Variants in RPE observed in about 807,000 individuals in gnomAD.
RPE encodes the protein ribulose-5-phosphate-3-epimerase.
RPE carries 16 observed loss-of-function variants against 24.6 expected under a neutral mutation model. The ratio of observed to expected loss-of-function variants is 0.65; its 90% CI spans 0.44 to 0.99. RPE has a LOEUF of 0.99. RPE is among the 50% of genes least tolerant of loss of function. The probability of loss-of-function intolerance (pLI) is 0.00; values close to 1 mark genes in which losing one functional copy is unlikely to be tolerated. For missense variants in RPE, 240 were observed against 294.5 expected, an observed-to-expected ratio of 0.81 and a Z score of 1.35; for synonymous variants, 93 against 98.4, an observed-to-expected ratio of 0.94 and a Z score of 0.33.
chr2:210,017,644 C>G, intron 5 of RPE, 85 bp downstream of exon 5: 1 of 1,253,818 alleles, frequency 8.0e-7, no homozygotes, highest in South Asian at 1.3e-5. Flanking sequence ...GCGATTCCCT[C>G]TGTGGTTCCT....
In RPE at chr2:210,019,756, T is replaced by C. The variant is rs1205349872; in HGVS notation, c.652T>C (p.Ser218Pro). Residue 218 changes from serine to proline, a missense_variant, in exon 6 of 6, where the codon TCA (serine) becomes CCA (proline). Ser to Pro is a moderately conservative substitution (Grantham distance 74, BLOSUM62 -1). Transcript: ENST00000359429. ...SVINLLRNVC[S>P]EAAQKRSLDR The stretch of plus-strand genomic sequence containing the variant: ...GATCAATCTATTAAGAAATGTTTGC[T>C]CAGAAGCTGCTCAGAAACGTTCTCT... The C allele has an allele frequency of 6.2e-7, 1 of 1,613,286 alleles. No individual in the cohort carries two copies. Among genetic ancestry groups the C allele is most frequent in the South Asian group, 1.1e-5 (1 of 91,022 alleles).
Position 210,021,132 on chromosome 2 carries a change from TAC to T in RPE, c.*1343_*1344del, listed in dbSNP as rs2125099071. On this transcript the variant is annotated 3_prime_UTR_variant, in exon 6 of 6. Transcript: ENST00000359429. ...AAATATTTATAACTGTTCTGAATTATACAGAGTCTAAAAATATGTGTCAGCTA... is the reference window on the plus strand; with the variant it reads ...AAATATTTATAACTGTTCTGAATTATAGAGTCTAAAAATATGTGTCAGCTA... The T allele has an allele frequency of 6.6e-6, 1 of 152,256 alleles. No individual in the cohort carries two copies. Among genetic ancestry groups the T allele is most frequent in the South Asian group, 2.1e-4 (1 of 4,826 alleles). The allele number at this position is 152,256 out of a possible 1,614,324, so 9.4% of individuals were successfully genotyped here.
chr2:210,017,425 C>CCACAAA, intron 4 of RPE, 48 bp from the exon 5 acceptor site: 22 of 1,104,204 alleles, frequency 2.0e-5, no homozygotes, highest in Non-Finnish European at 2.5e-5. Flanking sequence ...CCACCCCCAC[C>CCACAAA]AACATACCCA....
intron 1 of RPE, among the ~76,000 whole-genome samples, chr2:210,006,063 G>T (rs1422836387): frequency 6.6e-6 from 1 of 152,154 alleles, no homozygotes. Context: ...GGAAGAAAGG[G>T]ATACCTTTTT....
intron 2 of RPE, among the ~76,000 whole-genome samples, chr2:210,012,459 C>T (rs975249633): frequency 2.0e-5 from 3 of 152,082 alleles, no homozygotes; most frequent in Non-Finnish European, 4.4e-5. Flanking sequence ...AATCTTGGTC[C>T]CTGAATACAT....
rs2093856826 is a variant in RPE, at chr2:210,021,603, TA to T, written c.*1813del. ...TTTGTCAGTATTGAATTGAATTTTT[TA>T]CCCCTTAAAAGGACTAGTATAATTT... is the stretch of plus-strand genomic sequence containing the variant. On this transcript the variant is annotated 3_prime_UTR_variant, in exon 6 of 6. Transcript: ENST00000359429. 1 of 152,654 alleles carries T rather than the reference TA, an allele frequency of 6.6e-6. No individual in the cohort carries two copies. The highest frequency in any genetic ancestry group is 6.5e-5 in the Admixed American group (1 of 15,288). The allele number at this position is 152,654 out of a possible 1,614,324, so 9.5% of individuals were successfully genotyped here. A position where few individuals can be genotyped will look rare whatever the true frequency, so the allele number is the denominator to read the frequency against.
rs146927415 is a variant in RPE at position 210,014,972 on chromosome 2, A to G, written c.203-1001A>G. On this transcript the variant is annotated intron_variant, in intron 2 of 5. Transcript: ENST00000359429. ...TATGTTTTAAATCAAGATCTTTAAGAAGGCCATGCCCATTTTCACCTTATG... is the reference window on the plus strand; with the variant it reads ...TATGTTTTAAATCAAGATCTTTAAGGAGGCCATGCCCATTTTCACCTTATG... 4.2e-3 allele frequency among the ~76,000 whole-genome samples: 646 copies of G among 152,316 alleles called. 5 individuals are homozygous for G. The highest frequency in any genetic ancestry group is 0.015 in the African/African-American group (615 of 41,566).
intron 1 of RPE, among the ~76,000 whole-genome samples, chr2:210,003,017 A>C (rs544806396): frequency 9.9e-4 from 151 of 152,264 alleles, no homozygotes; most frequent in Non-Finnish European, 2.0e-3. Context: ...CCCCCCACGT[A>C]ACGTGTGGTC....
chr2:210,005,025 T>G (rs569537653), intron 1 of RPE, among the ~76,000 whole-genome samples: 2 of 152,388 alleles, frequency 1.3e-5, no homozygotes, highest in South Asian at 4.1e-4. Flanking sequence ...AGTTAAGAGC[T>G]GTTTCTATTC....
intron 2 of RPE, among the ~76,000 whole-genome samples, chr2:210,014,778 A>G (rs535452397): frequency 6.6e-6 from 1 of 151,766 alleles, no homozygotes; most frequent in South Asian, 2.1e-4. Flanking sequence ...GAAATGTTAG[A>G]ATTTTTTTCT....
chr2:210,009,566 A>G, intron 1 of RPE, 91 bp from the exon 2 acceptor site: 3 of 1,507,418 alleles, frequency 2.0e-6, no homozygotes, highest in Non-Finnish European at 2.8e-6. Flanking sequence ...CATTGCAGAC[A>G]ATCCCCTCAA....
chr2:210,010,270 C>G (rs760203985), intron 2 of RPE, among the ~76,000 whole-genome samples: 5 of 151,984 alleles, frequency 3.3e-5, no homozygotes, highest in Non-Finnish European at 2.9e-5. Flanking sequence ...CAAGTGGTGC[C>G]TAAATATTCA....
intron 3 of RPE, 24 bp downstream of exon 3, chr2:210,016,136 T>G: frequency 1.2e-6 from 2 of 1,614,160 alleles, no homozygotes; most frequent in Non-Finnish European, 1.7e-6. Flanking sequence ...ATGAGAGTGT[T>G]TTGTAACATT....
rs149529838 is a variant in RPE, at chr2:210,015,267, A to G, written c.203-706A>G. On this transcript the variant is annotated intron_variant, in intron 2 of 5. Coordinates refer to ENST00000359429, the MANE Select transcript of RPE (RefSeq NM_199229.3). ...ATATCCATCCCGAATTGCTGCCATC[A>G]TTTTTCACCTGGGTTATTGCTATCG... Among the ~76,000 whole-genome samples the G allele has an allele frequency of 3.6e-3, 544 of 152,046 alleles. 6 individuals are homozygous for G. Among genetic ancestry groups the G allele is most frequent in the African/African-American group, 0.012 (513 of 41,476 alleles).
intron 1 of RPE, among the ~76,000 whole-genome samples, chr2:210,005,738 G>A (rs2093622571): frequency 1.3e-5 from 2 of 152,122 alleles, no homozygotes; most frequent in Admixed American, 6.5e-5. Flanking sequence ...CATGTGGGGT[G>A]TACTTCATTT....
intron 1 of RPE, among the ~76,000 whole-genome samples, chr2:210,007,955 TCTC>T (rs2093651803): frequency 6.6e-6 from 1 of 152,298 alleles, no homozygotes; most frequent in East Asian, 1.9e-4. Flanking sequence ...GGAAAGGAAT[TCTC>T]CTTAACCTTC....
Position 210,015,355 on chromosome 2 carries a change from G to A in RPE, c.203-618G>A, listed in dbSNP as rs199813966. ...TGGTGGTTTTTCCCAGTGGCCTGCA[G>A]AATGCTGAAGGGTTTCTCCTCACCA... On this transcript the variant is annotated intron_variant, in intron 2 of 5. Coordinates refer to ENST00000359429, the MANE Select transcript of RPE (RefSeq NM_199229.3). Among the ~76,000 whole-genome samples the A allele has an allele frequency of 2.0e-5, 3 of 152,322 alleles. No homozygotes were observed. In the East Asian group the frequency reaches 5.8e-4, roughly 29 times the overall value.
chr2:210,019,429 G>T (rs1361990518), intron 5 of RPE, among the ~76,000 whole-genome samples: 1 of 152,108 alleles, frequency 6.6e-6, no homozygotes, highest in Non-Finnish European at 1.5e-5. Context: ...TTAAGAGTTG[G>T]TTTACCAGAA....
chr2:210,005,015 A>T (rs114308645), intron 1 of RPE, among the ~76,000 whole-genome samples: 2,619 of 152,276 alleles, frequency 0.017, 84 homozygotes, highest in African/African-American at 0.06. Context: ...CTACTTTCTG[A>T]GTTAAGAGCT....
Sources: allele counts gnomAD v4.1 joint callset (sites outside exome capture counted in the v4.1 genomes callset), GRCh38; gene constraint gnomAD v4.1.1; transcripts MANE v1.5; gene names NCBI Gene and HGNC (gene_info 2026-07-23, HGNC 2026-07-21).